The following CLSTN2 variants were observed in gnomAD, a reference collection of about 807,000 sequenced individuals.
CLSTN2 encodes calsyntenin 2.
A neutral mutation model predicts 101.2 loss-of-function variants in CLSTN2; 48 were observed. That is an observed-to-expected ratio of 0.47 (90% confidence interval 0.38 to 0.60). The LOEUF (loss-of-function observed/expected upper bound fraction) is 0.60, where lower values mean the gene tolerates loss of function less well. CLSTN2 is among the 20% of genes least tolerant of loss of function. The pLI is 0.00. For synonymous variants in CLSTN2, 481 were observed against 463.6 expected (o/e 1.04, Z -0.48); for missense variants, 1,160 against 1,238.2 (o/e 0.94, Z 0.95).
intron 1 of CLSTN2, among the ~76,000 whole-genome samples, chr3:140,102,870 A>G (rs1198105096): frequency 6.6e-6 from 1 of 152,140 alleles, no homozygotes; most frequent in Admixed American, 6.5e-5. Context: ...TTTCTGTGAT[A>G]AGCAATTTAC....
chr3:140,159,334 A>T (rs965990622), intron 1 of CLSTN2, among the ~76,000 whole-genome samples: 17 of 152,126 alleles, frequency 1.1e-4, no homozygotes, highest in African/African-American at 4.1e-4. Flanking sequence ...ACAAGCAGAA[A>T]ACATCCCCAT....
intron 2 of CLSTN2, among the ~76,000 whole-genome samples, chr3:140,236,458 T>C (rs763013781): frequency 6.6e-6 from 1 of 152,202 alleles, no homozygotes; most frequent in Non-Finnish European, 1.5e-5. Context: ...ATGTATTTTG[T>C]GTTTTTGTCA....
At chr3:140,210,453 G>A (rs188477180) in intron 2 of CLSTN2, among the ~76,000 whole-genome samples, 2 of 152,280 alleles carry the variant, frequency 1.3e-5, no homozygotes, top group East Asian at 3.9e-4. Flanking sequence ...TGTCACCAAT[G>A]AGCTATTCAA....
intron 6 of CLSTN2, among the ~76,000 whole-genome samples, chr3:140,457,684 G>A (rs1933438416): frequency 6.6e-6 from 1 of 152,208 alleles, no homozygotes; most frequent in South Asian, 2.1e-4. Context: ...CGTGGACAAG[G>A]GGCTGGATGG....
Position 140,379,199 on chromosome 3 carries a change from G to T in CLSTN2, c.233-24430G>T, listed in dbSNP as rs75150106. Among the ~76,000 whole-genome samples the T allele has an allele frequency of 9.3e-4, 142 of 152,322 alleles. 3 individuals carry two copies. In the East Asian group the frequency reaches 0.025, roughly 27 times the overall value. On this transcript the variant is annotated intron_variant, in intron 2 of 16. Coordinates refer to ENST00000458420, the MANE Select transcript of CLSTN2 (RefSeq NM_022131.3). Reference sequence around the variant, plus strand: ...CCCCTTTAGTTGCTGCTGAGTGTTTGCCAGCAGGAGCTGAGACCATCTCAC... The same window carrying T: ...CCCCTTTAGTTGCTGCTGAGTGTTTTCCAGCAGGAGCTGAGACCATCTCAC...
intron 1 of CLSTN2, among the ~76,000 whole-genome samples, chr3:140,034,083 T>A (rs2007609352): frequency 1.3e-5 from 2 of 152,340 alleles, no homozygotes; most frequent in South Asian, 4.1e-4. Context: ...AACATTTCTA[T>A]GCTCTGGTGG....
intron 1 of CLSTN2, among the ~76,000 whole-genome samples, chr3:139,985,785 T>C (rs1936012505): frequency 6.6e-6 from 1 of 152,214 alleles, no homozygotes; most frequent in African/African-American, 2.4e-5. Context: ...GTTTATGTTA[T>C]CCAGAGTGAA....
At chr3:140,079,839 A>G (rs2008558088) in intron 1 of CLSTN2, among the ~76,000 whole-genome samples, 1 of 152,176 alleles carries the variant, frequency 6.6e-6, no homozygotes, top group African/African-American at 2.4e-5. Flanking sequence ...TTTACTCAAA[A>G]TAAGTTTCAA....
intron 2 of CLSTN2, among the ~76,000 whole-genome samples, chr3:140,326,947 A>G (rs1022044639): frequency 6.6e-6 from 1 of 152,220 alleles, no homozygotes; most frequent in African/African-American, 2.4e-5. Context: ...TGCTAAGATT[A>G]ATACCAACTG....
intron 1 of CLSTN2, among the ~76,000 whole-genome samples, chr3:140,073,326 C>G (rs2008429090): frequency 6.6e-6 from 1 of 152,200 alleles, no homozygotes; most frequent in South Asian, 2.1e-4. Context: ...TCCCACCCCC[C>G]AGGATGTATT....
At chr3:140,206,006 G>A (rs1397617233) in intron 2 of CLSTN2, among the ~76,000 whole-genome samples, 1 of 152,170 alleles carries the variant, frequency 6.6e-6, no homozygotes, top group Non-Finnish European at 1.5e-5. Context: ...AAGCACAGGA[G>A]TGAGGGATTT....
At chr3:140,238,208 C>T (rs1315712903) in intron 2 of CLSTN2, among the ~76,000 whole-genome samples, 1 of 152,146 alleles carries the variant, frequency 6.6e-6, no homozygotes, top group African/African-American at 2.4e-5. Context: ...GATAGATTTC[C>T]AGAGCCTCCA....
At chr3:140,146,310 T>A (rs61547225) in intron 1 of CLSTN2, among the ~76,000 whole-genome samples, 2,095 of 152,370 alleles carry the variant, frequency 0.014, 51 homozygotes, top group African/African-American at 0.048. Flanking sequence ...GTAGTTAAAA[T>A]GCAGTGTGCA....
intron 2 of CLSTN2, among the ~76,000 whole-genome samples, chr3:140,201,706 T>C (rs1360845978): frequency 6.6e-6 from 1 of 152,096 alleles, no homozygotes; most frequent in African/African-American, 2.4e-5. Flanking sequence ...AGCCAAAAAG[T>C]GTTCTCTGCC....
chr3:140,478,357 C>A (rs1934032607), intron 8 of CLSTN2, among the ~76,000 whole-genome samples: 1 of 148,986 alleles, frequency 6.7e-6, no homozygotes. Flanking sequence ...AAAAAGCTGT[C>A]CTTTAACAGG....
At chr3:140,205,785 T>G (rs923769306) in intron 2 of CLSTN2, among the ~76,000 whole-genome samples, 2 of 152,200 alleles carry the variant, frequency 1.3e-5, no homozygotes, top group Admixed American at 1.3e-4. Flanking sequence ...AAGGCAGGGT[T>G]GCTGCCCTAA....
At chr3:140,205,455 A>G (rs972723263) in intron 2 of CLSTN2, among the ~76,000 whole-genome samples, 3 of 152,224 alleles carry the variant, frequency 2.0e-5, no homozygotes, top group Non-Finnish European at 4.4e-5. Context: ...ACCTTGAAGT[A>G]GGAGTTTAGA....
chr3:140,087,890 A>G (rs2008706164), intron 1 of CLSTN2, among the ~76,000 whole-genome samples: 1 of 152,104 alleles, frequency 6.6e-6, no homozygotes, highest in Non-Finnish European at 1.5e-5. Flanking sequence ...AGGTGTGGGA[A>G]ACTTCAAAAT....
intron 2 of CLSTN2, among the ~76,000 whole-genome samples, chr3:140,394,002 C>T (rs1170283361): frequency 6.6e-6 from 1 of 152,124 alleles, no homozygotes; most frequent in African/African-American, 2.4e-5. Flanking sequence ...AGTGCATCAG[C>T]AGGAGGGCTG....
Sources: gnomAD v4.1 joint callset for allele counts (sites outside exome capture counted in the v4.1 genomes callset) on GRCh38, gnomAD v4.1.1 for gene constraint, MANE v1.5 for transcripts, NCBI Gene and HGNC (gene_info 2026-07-23, HGNC 2026-07-21) for gene names.